The following ADAMTS15 variants were observed in gnomAD, a reference collection of about 807,000 sequenced individuals.
ADAMTS15 encodes ADAM metallopeptidase with thrombospondin type 1 motif 15.
ADAMTS15 carries 35 observed loss-of-function variants against 79.1 expected under a neutral mutation model. The observed-to-expected ratio is 0.44, with a 90% CI of 0.34 to 0.59. The LOEUF (loss-of-function observed/expected upper bound fraction) is 0.59. Ranked by LOEUF, ADAMTS15 falls within the 20% of genes least tolerant of loss-of-function variation. The pLI is 0.02. For synonymous variants in ADAMTS15, 616 were observed against 567.3 expected (o/e 1.09, Z -1.22); for missense variants, 1,324 against 1,318.7 (o/e 1.00, Z -0.06).
chr11:130,456,467 C>T (rs1014936111), intron 1 of ADAMTS15, among the ~76,000 whole-genome samples: 1 of 152,174 alleles, frequency 6.6e-6, no homozygotes, highest in Non-Finnish European at 1.5e-5. Context: ...GTCACATTGC[C>T]AAGGCACTGA....
chr11:130,470,160 A>ATATATATATATATATATGTG (rs1565397671), intron 5 of ADAMTS15, among the ~76,000 whole-genome samples: 14 of 57,286 alleles, frequency 2.4e-4, no homozygotes, highest in African/African-American at 6.2e-4. Context: ...ATGTGTATAT[A>ATATATATATATATATATGTG]TATATATATA....
At chr11:130,453,944 A>G (rs1938020145) in intron 1 of ADAMTS15, among the ~76,000 whole-genome samples, 1 of 152,148 alleles carries the variant, frequency 6.6e-6, no homozygotes, top group Non-Finnish European at 1.5e-5. Context: ...CTACAGGCAT[A>G]TGACTAATTA....
rs775682090 is a variant in ADAMTS15, at chr11:130,470,937, C to T, written c.1738C>T (p.Arg580Trp). The change falls in exon 6 of 8, where the codon CGG becomes TGG. Residue 580 changes from arginine to tryptophan, a missense_variant. Coordinates refer to ENST00000299164, the MANE Select transcript of ADAMTS15 (RefSeq NM_139055.4). ...CTCCCTAGCCTCCGGAAAGAGCTTC[C>T]GGGAGGAGCAGTGTGAGGCTTTCAA... is the stretch of plus-strand genomic sequence containing the variant. ...CPSSASGKSF[R>W]EEQCEAFNGY... The T allele has an allele frequency of 1.5e-5, 24 of 1,613,268 alleles. No homozygotes were observed. The highest frequency in any genetic ancestry group is 3.3e-5 in the Admixed American group (2 of 59,928).
At position 130,449,336 on chromosome 11, in the gene ADAMTS15, G is replaced by A; in HGVS notation, c.363G>A (p.Gly121=). The A allele has an allele frequency of 1.2e-6, 2 of 1,608,698 alleles. No individual in the cohort carries two copies. Among genetic ancestry groups the A allele is most frequent in the Non-Finnish European group, 1.7e-6 (2 of 1,179,998 alleles). The change falls in exon 1 of 8, where the codon GGG becomes GGA. Residue 121 remains glycine (G), a synonymous_variant. Coordinates refer to ENST00000299164, the MANE Select transcript of ADAMTS15 (RefSeq NM_139055.4). The surrounding 1 kb of genome is among the most constrained non-coding windows in gnomAD (Gnocchi z 7.8). ...PDSFAAVSLC[G]GLRGAFGYRG... is the part of the protein sequence containing the mutation. ...CGTTCGCTGCTGTGAGCCTGTGCGGGGGGCTCCGCGGAGCCTTTGGCTACC... is the reference window on the plus strand; with the variant it reads ...CGTTCGCTGCTGTGAGCCTGTGCGGAGGGCTCCGCGGAGCCTTTGGCTACC...
intron 1 of ADAMTS15, among the ~76,000 whole-genome samples, chr11:130,453,279 AT>A (rs11381792): frequency 1.8e-3 from 242 of 132,818 alleles, no homozygotes; most frequent in Middle Eastern, 4.3e-3. Context: ...CTTTGGACTG[AT>A]TTTTTTTTTT....
Position 130,473,906 on chromosome 11 carries a change from T to C in ADAMTS15, c.*85T>C. On this transcript the variant is annotated 3_prime_UTR_variant, in exon 8 of 8. Coordinates refer to ENST00000299164, the MANE Select transcript of ADAMTS15 (RefSeq NM_139055.4). ...AGCTGGAGTAGCGGGCAGAGGACGGTGGCCAGGGGCTCACGCCACGATGTC... is the reference window on the plus strand; with the variant it reads ...AGCTGGAGTAGCGGGCAGAGGACGGCGGCCAGGGGCTCACGCCACGATGTC... 6.9e-7 allele frequency: 1 copy of C among 1,458,602 alleles called. No individual in the cohort carries two copies. The highest frequency in any genetic ancestry group is 9.1e-7 in the Non-Finnish European group (1 of 1,104,826). The allele number at this position is 1,458,602 out of a possible 1,614,324, so 90.4% of individuals were successfully genotyped here. A position where few individuals can be genotyped will look rare whatever the true frequency, so the allele number is the denominator to read the frequency against.
Position 130,449,492 on chromosome 11 carries a change from C to T in ADAMTS15, c.519C>T (p.Arg173=), listed in dbSNP as rs1405530290. The T allele has an allele frequency of 6.4e-7, 1 of 1,557,398 alleles. No individual in the cohort carries two copies. The highest frequency in any genetic ancestry group is 1.4e-5 in the African/African-American group (1 of 73,864). The change falls in exon 1 of 8, where the codon CGC becomes CGT. Residue 173 remains arginine, a synonymous_variant. Coordinates refer to ENST00000299164, the MANE Select transcript of ADAMTS15 (RefSeq NM_139055.4). This position sits in a 1 kb window ranked among gnomAD's most constrained non-coding sequence, Gnocchi z 7.8. ...PGGPSGDPTS[R]CGVASGWNPA... ...GGCCTTCCGGAGACCCCACCTCTCG[C>T]TGCGGGGTGGCCTCGGGCTGGAACC...
At position 130,476,216 on chromosome 11, in the gene ADAMTS15, A is replaced by G. The variant is rs760062291; in HGVS notation, c.*2395A>G. ...TGGAGTAAAGTTACAGCGGTATCTC[A>G]TGTCTACACAAGAAGAGGAACGTTC... On this transcript the variant is annotated 3_prime_UTR_variant, in exon 8 of 8. Transcript: ENST00000299164. 1 of 152,174 alleles carries G rather than the reference A, an allele frequency of 6.6e-6. No individual in the cohort carries two copies. The highest frequency in any genetic ancestry group is 2.4e-5 in the African/African-American group (1 of 41,448). The allele number at this position is 152,174 out of a possible 1,614,324, so 9.4% of individuals were successfully genotyped here. A position where few individuals can be genotyped will look rare whatever the true frequency, so the allele number is the denominator to read the frequency against.
intron 1 of ADAMTS15, among the ~76,000 whole-genome samples, chr11:130,456,071 A>C (rs867994686): frequency 6.6e-6 from 1 of 152,108 alleles, no homozygotes; most frequent in African/African-American, 2.4e-5. Flanking sequence ...CCTTGGGCTT[A>C]CTGTGTGACC....
rs1565399820 is a variant in ADAMTS15, at chr11:130,473,450, C to T, written c.2482C>T (p.Leu828Phe). 1.2e-6 allele frequency: 2 copies of T among 1,612,624 alleles called. No homozygotes were observed. The highest frequency in any genetic ancestry group is 3.3e-5 in the Admixed American group (2 of 60,034). The change falls in exon 8 of 8, where the codon CTC becomes TTC. Residue 828 changes from leucine (L) to phenylalanine (F), a missense_variant. Physicochemically the swap from Leu to Phe is conservative, Grantham distance 22. Transcript: ENST00000299164. ...PSVLHNSVLSLSNQVEQPDDR... is the reference protein window; with the variant it reads ...PSVLHNSVLSFSNQVEQPDDR... The stretch of plus-strand genomic sequence containing the variant: ...TGTCTTGCACAACAGCGTCCTCAGC[C>T]TCTCCAACCAGGTGGAGCAGCCGGA...
At chr11:130,459,032 T>TG (rs1938146458) in intron 1 of ADAMTS15, among the ~76,000 whole-genome samples, 1 of 137,924 alleles carries the variant, frequency 7.3e-6, no homozygotes, top group African/African-American at 2.8e-5. Context: ...AGTGTTTTTT[T>TG]TTTTTTTTTT....
rs751495984 is a variant in ADAMTS15, at chr11:130,471,216, C to T, written c.1911C>T (p.Asp637=). 35 of 1,596,740 alleles carry T rather than the reference C, an allele frequency of 2.2e-5. No homozygotes were observed. Among genetic ancestry groups the T allele is most frequent in the East Asian group, 4.5e-5 (2 of 44,634 alleles). Residue 637 remains aspartate (D), a synonymous_variant, in exon 7 of 8, where the codon GAC becomes GAT. Coordinates refer to ENST00000299164, the MANE Select transcript of ADAMTS15 (RefSeq NM_139055.4). ...CTTCTGGGGTGCTGCAGGTGGTGGA[C>T]GGCACGCTGTGCTCTCCTGACTCCA... ...YFYVLAPKVV[D]GTLCSPDSTS... is the part of the protein sequence containing the mutation.
rs1407438547 is a variant in ADAMTS15 at position 130,475,979 on chromosome 11, T to C, written c.*2158T>C. On this transcript the variant is annotated 3_prime_UTR_variant, in exon 8 of 8. Coordinates refer to ENST00000299164, the MANE Select transcript of ADAMTS15 (RefSeq NM_139055.4). ...TTGCCATCAGTCACTTTACAAACCA[T>C]TTCAAGGAAGGACAACCTCTCTGGC... 6.6e-6 allele frequency: 1 copy of C among 152,184 alleles called. No individual in the cohort carries two copies. Among genetic ancestry groups the C allele is most frequent in the East Asian group, 1.9e-4 (1 of 5,190 alleles). 9.4% of individuals were successfully genotyped at this position (152,184 alleles called of 1,614,324 possible).
Position 130,449,995 on chromosome 11 carries a change from G to T in ADAMTS15, c.957+65G>T. ...GTTCTTTAGGGTCACCTCCCCTAGC[G>T]CTCCAAATCCCCTTTGTATCGTGCA... On this transcript the variant is annotated intron_variant, in intron 1 of 7. Coordinates refer to ENST00000299164, the MANE Select transcript of ADAMTS15 (RefSeq NM_139055.4). The surrounding 1 kb of genome is among the most constrained non-coding windows in gnomAD (Gnocchi z 7.8). 1 of 1,561,610 alleles carries T rather than the reference G, an allele frequency of 6.4e-7. No homozygotes were observed. The highest frequency in any genetic ancestry group is 2.2e-5 in the East Asian group (1 of 44,476).
chr11:130,457,199 C>T (rs937832399), intron 1 of ADAMTS15, among the ~76,000 whole-genome samples: 1 of 151,546 alleles, frequency 6.6e-6, no homozygotes, highest in Non-Finnish European at 1.5e-5. Flanking sequence ...CGACTGTACT[C>T]CAGCCTGGGC....
chr11:130,473,041 C>G lies in ADAMTS15; in HGVS notation c.2079-6C>G, dbSNP rs572872665. The G allele has an allele frequency of 3.1e-6, 5 of 1,612,142 alleles. No individual in the cohort carries two copies. In the South Asian group the frequency reaches 3.3e-5, roughly 11 times the overall value. ...TCTGATGCACGGCCCCCCTTTCCCCCGCCAGGCATGGCTACAATTTCGTGG... is the reference window on the plus strand; with the variant it reads ...TCTGATGCACGGCCCCCCTTTCCCCGGCCAGGCATGGCTACAATTTCGTGG... On this transcript the variant is annotated splice_region_variant and splice_polypyrimidine_tract_variant and intron_variant, in intron 7 of 7. Coordinates refer to ENST00000299164, the MANE Select transcript of ADAMTS15 (RefSeq NM_139055.4).
rs1231976819 is a variant in ADAMTS15, at chr11:130,449,402, C to A, written c.429C>A (p.Ser143Arg). 1.3e-6 allele frequency: 2 copies of A among 1,598,872 alleles called. No individual in the cohort carries two copies. Among genetic ancestry groups the A allele is most frequent in the Non-Finnish European group, 8.5e-7 (1 of 1,177,440 alleles). The change falls in exon 1 of 8, where the codon AGC (serine) becomes AGA (arginine). Residue 143 changes from serine to arginine, a missense_variant. Ser to Arg is a moderately radical substitution (Grantham distance 110). Coordinates refer to ENST00000299164, the MANE Select transcript of ADAMTS15 (RefSeq NM_139055.4). This position sits in a 1 kb window ranked among gnomAD's most constrained non-coding sequence, Gnocchi z 7.8. Reference sequence around the variant, plus strand: ...TCATTAGCCCGCTGCCCAATGCTAGCGCGCCGGCGGCGCAGCGCAACAGCC... The same window carrying A: ...TCATTAGCCCGCTGCCCAATGCTAGAGCGCCGGCGGCGCAGCGCAACAGCC... The part of the protein sequence containing the change: ...EYVISPLPNA[S>R]APAAQRNSQG...
At position 130,462,417 on chromosome 11, in the gene ADAMTS15, T is replaced by C; in HGVS notation, c.1259-80T>C. 6.6e-7 allele frequency: 1 copy of C among 1,522,522 alleles called. No homozygotes were observed. The highest frequency in any genetic ancestry group is 8.8e-7 in the Non-Finnish European group (1 of 1,130,448). The allele number at this position is 1,522,522 out of a possible 1,614,324, so 94.3% of individuals were successfully genotyped here. A position where few individuals can be genotyped will look rare whatever the true frequency, so the allele number is the denominator to read the frequency against. On this transcript the variant is annotated intron_variant, in intron 3 of 7. Transcript: ENST00000299164. This position sits in a 1 kb window ranked among gnomAD's most constrained non-coding sequence, Gnocchi z 4.3. Reference sequence around the variant, plus strand: ...CATTCCTGTTGCCCTTGGTTCATTATCCCCTTACCATTCAGATTCTGGGCT... The same window carrying C: ...CATTCCTGTTGCCCTTGGTTCATTACCCCCTTACCATTCAGATTCTGGGCT...
intron 1 of ADAMTS15, 21 bp from the exon 2 acceptor site, chr11:130,461,468 T>C (rs1938196991): frequency 3.1e-6 from 5 of 1,613,898 alleles, no homozygotes; most frequent in Non-Finnish European, 4.2e-6. Context: ...GGCTGGCTTC[T>C]GCTTCTCCCC....
Sources: allele counts gnomAD v4.1 joint callset (sites outside exome capture counted in the v4.1 genomes callset), GRCh38; gene constraint gnomAD v4.1.1; non-coding constraint Gnocchi (gnomAD v3.1); transcripts MANE v1.5; gene names NCBI Gene and HGNC (gene_info 2026-07-23, HGNC 2026-07-21).